Variants in CFAP47 observed in about 807,000 individuals in gnomAD.
The protein encoded by CFAP47 is cilia and flagella associated protein 47.
In CFAP47, 29 loss-of-function variants were observed where a neutral mutation model predicts 148.1. The observed-to-expected ratio is 0.20, with a 90% CI of 0.15 to 0.27. The LOEUF (loss-of-function observed/expected upper bound fraction) is 0.27. Ranked by LOEUF, CFAP47 falls within the 10% of genes least tolerant of loss-of-function variation. CFAP47 has a pLI of 1.00. For synonymous variants in CFAP47, 664 were observed against 577.3 expected, an observed-to-expected ratio of 1.15 and a Z score of -2.15; for missense variants, 1,872 against 1,697.5, an observed-to-expected ratio of 1.10 and a Z score of -1.81.
At chrX:36,366,937 G>T (rs1347595251) in intron 61 of CFAP47, 29 bp from the exon 62 acceptor site, 37 of 1,023,421 alleles carry the variant, frequency 3.6e-5, no homozygotes, top group Non-Finnish European at 4.7e-5. Context: ...TTCACGTAGT[G>T]TCATTTAAAA....
chrX:36,306,743 T>C (rs1941352856), intron 54 of CFAP47, 29 bp from the exon 55 acceptor site: 1 of 984,942 alleles, frequency 1.0e-6, no homozygotes, highest in African/African-American at 1.9e-5. Flanking sequence ...TTAATTTTTG[T>C]TCCCCCTTTG....
chrX:36,083,695 A>T (rs1045579514), intron 29 of CFAP47, among the ~76,000 whole-genome samples: 1 of 111,307 alleles, frequency 9.0e-6, no homozygotes, highest in Non-Finnish European at 1.9e-5. Flanking sequence ...GGTGATAGTG[A>T]TGGGTGAGAC....
chrX:36,125,965 G>A (rs1231915291), intron 33 of CFAP47, among the ~76,000 whole-genome samples: 3 of 110,555 alleles, frequency 2.7e-5, no homozygotes, highest in Non-Finnish European at 5.7e-5. Flanking sequence ...ATTCAACCAT[G>A]TGTAATGTTA....
At chrX:36,256,248 G>A (rs1318426014) in intron 49 of CFAP47, among the ~76,000 whole-genome samples, 1 of 111,902 alleles carries the variant, frequency 8.9e-6, no homozygotes, top group African/African-American at 3.3e-5. Flanking sequence ...CACAAGACTA[G>A]TATATAGGTG....
chrX:36,098,927 T>G, intron 31 of CFAP47, 53 bp downstream of exon 31: 1 of 645,657 alleles, frequency 1.5e-6, no homozygotes, highest in Non-Finnish European at 2.4e-6. Context: ...TTGTATGTAC[T>G]GGTATTTGGC....
At chrX:36,353,756 T>A (rs781817533) in intron 60 of CFAP47, 75 bp downstream of exon 60, 237 of 785,294 alleles carry the variant, frequency 3.0e-4, no homozygotes, top group Non-Finnish European at 4.1e-4. Flanking sequence ...GGTTGCTGAT[T>A]GTGCAGTTAC....
At chrX:36,367,606 T>G (rs782468281) in intron 62 of CFAP47, among the ~76,000 whole-genome samples, 1 of 112,301 alleles carries the variant, frequency 8.9e-6, no homozygotes, top group East Asian at 2.8e-4. Context: ...TACAGCTTTT[T>G]GAGGTACAGC....
At chrX:35,974,607 C>T (rs931604158) in intron 13 of CFAP47, among the ~76,000 whole-genome samples, 2 of 111,591 alleles carry the variant, frequency 1.8e-5, no homozygotes, top group South Asian at 3.8e-4. Flanking sequence ...TATACATATA[C>T]GAACACTAAT....
At chrX:36,137,819 G>A (rs1939069469) in intron 33 of CFAP47, 139 bp from the exon 34 acceptor site, 1 of 335,051 alleles carries the variant, frequency 3.0e-6, no homozygotes, top group Admixed American at 5.7e-5. Context: ...CTTAAAATTT[G>A]TTTTTATTTC....
At chrX:36,073,049 C>A (rs1312943146) in intron 28 of CFAP47, 90 bp from the exon 29 acceptor site, 6 of 575,083 alleles carry the variant, frequency 1.0e-5, no homozygotes, top group Non-Finnish European at 1.4e-5. Flanking sequence ...AGAATAGGTT[C>A]TATTAGTCTG....
intron 62 of CFAP47, among the ~76,000 whole-genome samples, chrX:36,370,454 T>C (rs2146997577): frequency 9.0e-6 from 1 of 110,786 alleles, no homozygotes; most frequent in African/African-American, 3.3e-5. Flanking sequence ...TGTGCAGTAT[T>C]CCATGGTTTA....
At chrX:36,262,727 T>C (rs1556000388) in intron 49 of CFAP47, among the ~76,000 whole-genome samples, 3 of 112,451 alleles carry the variant, frequency 2.7e-5, no homozygotes, top group Non-Finnish European at 5.6e-5. Flanking sequence ...TTGGGATATA[T>C]ACTCAGCGAT....
intron 50 of CFAP47, among the ~76,000 whole-genome samples, 193 bp downstream of exon 50, chrX:36,280,823 A>G (rs981665797): frequency 4.5e-5 from 5 of 112,151 alleles, no homozygotes; most frequent in Non-Finnish European, 9.4e-5. Context: ...ATTAATGTCA[A>G]TAGTATCAAA....
intron 63 of CFAP47, among the ~76,000 whole-genome samples, chrX:36,380,767 T>C (rs1288716540): frequency 4.4e-5 from 5 of 112,629 alleles, no homozygotes; most frequent in Admixed American, 9.4e-5. Flanking sequence ...AAAGTGATCA[T>C]ATTGTACTTG....
At chrX:36,187,736 C>A (rs1183255678) in intron 40 of CFAP47, among the ~76,000 whole-genome samples, 1 of 111,303 alleles carries the variant, frequency 9.0e-6, no homozygotes, top group African/African-American at 3.3e-5. Context: ...AATTAAGCCA[C>A]AGAATAACTG....
intron 15 of CFAP47, chrX:35,985,804 G>A (rs1447343459): frequency 1.9e-5 from 4 of 214,178 alleles, no homozygotes; most frequent in Non-Finnish European, 2.7e-5. Flanking sequence ...TTGGAGTGTG[G>A]GGATCCCAAG....
At chrX:36,234,020 C>T (rs1334984263) in intron 46 of CFAP47, among the ~76,000 whole-genome samples, 2 of 110,303 alleles carry the variant, frequency 1.8e-5, no homozygotes, top group Admixed American at 1.9e-4. Flanking sequence ...TGTGGGTAAC[C>T]GACCTTTCTC....
intron 1 of CFAP47, 29 bp from the exon 2 acceptor site, chrX:35,925,988 A>G: frequency 1.7e-6 from 2 of 1,161,487 alleles, no homozygotes; most frequent in Non-Finnish European, 2.3e-6. Context: ...GTTAAAATGT[A>G]TAATTTGACT....
At chrX:36,257,325 A>G (rs1940765113) in intron 49 of CFAP47, among the ~76,000 whole-genome samples, 1 of 112,052 alleles carries the variant, frequency 8.9e-6, no homozygotes, top group African/African-American at 3.2e-5. Flanking sequence ...TATGAACAAA[A>G]CCAGGCTAGA....
Sources: gnomAD v4.1 joint callset for allele counts (sites outside exome capture counted in the v4.1 genomes callset) on GRCh38, gnomAD v4.1.1 for gene constraint, MANE v1.5 for transcripts, NCBI Gene and HGNC (gene_info 2026-07-23, HGNC 2026-07-21) for gene names.